The following ARB2A variants were observed in gnomAD, a reference collection of about 807,000 sequenced individuals.
ARB2A encodes ARB2 cotranscriptional regulator A.
the ARB2A span, among the ~76,000 whole-genome samples, chr5:93,772,477 TA>T: frequency 4.0e-5 from 6 of 151,158 alleles, no homozygotes; most frequent in East Asian, 1.9e-4. Context: ...TAAAAAAATT[TA>T]AAAAAAAAGA....
At chr5:93,984,317 T>C in the ARB2A span, among the ~76,000 whole-genome samples, 1 of 152,210 alleles carries the variant, frequency 6.6e-6, no homozygotes, top group East Asian at 1.9e-4. Flanking sequence ...ATATTTCTAG[T>C]TCAGATGCTA....
chr5:94,076,236 C>G, the ARB2A span, among the ~76,000 whole-genome samples: 1 of 152,076 alleles, frequency 6.6e-6, no homozygotes, highest in African/African-American at 2.4e-5. Flanking sequence ...CTATAACTAG[C>G]CATCTTACTG....
chr5:93,921,893 T>C, the ARB2A span, among the ~76,000 whole-genome samples: 1 of 152,192 alleles, frequency 6.6e-6, no homozygotes, highest in African/African-American at 2.4e-5. Flanking sequence ...CCTTTGAAAG[T>C]TCCTTTGTTA....
chr5:93,747,572 A>G, the ARB2A span, among the ~76,000 whole-genome samples: 2 of 152,194 alleles, frequency 1.3e-5, no homozygotes, highest in Non-Finnish European at 2.9e-5. Context: ...GCATTCAGTC[A>G]GCTTATCAAA....
the ARB2A span, among the ~76,000 whole-genome samples, chr5:93,750,405 T>C: frequency 2.0e-5 from 3 of 152,366 alleles, no homozygotes; most frequent in South Asian, 6.2e-4. Context: ...ACAGTGATTA[T>C]GGAAGACTAT....
the ARB2A span, among the ~76,000 whole-genome samples, chr5:93,788,289 G>A: frequency 5.6e-4 from 85 of 152,092 alleles, no homozygotes; most frequent in African/African-American, 1.8e-3. Context: ...GGATGAGTTC[G>A]TCTGAGTATA....
At chr5:93,648,418 A>T in the ARB2A span, among the ~76,000 whole-genome samples, 33 of 152,258 alleles carry the variant, frequency 2.2e-4, no homozygotes, top group Admixed American at 1.4e-3. Flanking sequence ...TTATTTTATA[A>T]AGAAACTTAC....
the ARB2A span, among the ~76,000 whole-genome samples, chr5:93,962,473 A>G: frequency 6.6e-6 from 1 of 152,166 alleles, no homozygotes; most frequent in Non-Finnish European, 1.5e-5. Flanking sequence ...AAGAGCTGTC[A>G]TTTAAAAAAT....
the ARB2A span, among the ~76,000 whole-genome samples, chr5:93,702,586 A>T: frequency 6.6e-6 from 1 of 152,102 alleles, no homozygotes; most frequent in East Asian, 1.9e-4. Flanking sequence ...AAAGTATCTG[A>T]CATACAGGGG....
At chr5:93,774,258 A>T in the ARB2A span, among the ~76,000 whole-genome samples, 1 of 152,250 alleles carries the variant, frequency 6.6e-6, no homozygotes, top group Non-Finnish European at 1.5e-5. Flanking sequence ...TATTGAAATG[A>T]GGCCAATGAC....
the ARB2A span, among the ~76,000 whole-genome samples, chr5:93,796,450 T>A: frequency 6.6e-6 from 1 of 152,160 alleles, no homozygotes; most frequent in Non-Finnish European, 1.5e-5. Context: ...GATGTGTTAA[T>A]CAACTGTGGG....
chr5:94,024,848 T>G, the ARB2A span, among the ~76,000 whole-genome samples: 2 of 151,960 alleles, frequency 1.3e-5, no homozygotes, highest in Non-Finnish European at 2.9e-5. Flanking sequence ...CCCAGAGATA[T>G]AAAACAGCAT....
At chr5:94,035,854 C>T in the ARB2A span, among the ~76,000 whole-genome samples, 13 of 151,638 alleles carry the variant, frequency 8.6e-5, no homozygotes, top group Admixed American at 2.6e-4. Context: ...CAGGGCCTGT[C>T]GGGGGGAGGA....
chr5:93,747,171 A>C, the ARB2A span, among the ~76,000 whole-genome samples: 2 of 152,192 alleles, frequency 1.3e-5, no homozygotes, highest in Non-Finnish European at 2.9e-5. Flanking sequence ...TAGTAATCAT[A>C]ATGTGATATG....
At chr5:93,831,418 C>T in the ARB2A span, among the ~76,000 whole-genome samples, 2 of 151,958 alleles carry the variant, frequency 1.3e-5, no homozygotes, top group African/African-American at 4.8e-5. Context: ...TATCTATTTC[C>T]AGGGATCTTA....
chr5:93,694,745 C>T, the ARB2A span, among the ~76,000 whole-genome samples: 1 of 152,042 alleles, frequency 6.6e-6, no homozygotes, highest in Non-Finnish European at 1.5e-5. Flanking sequence ...ATCCTAAGCA[C>T]AAAGAAAAAA....
the ARB2A span, among the ~76,000 whole-genome samples, chr5:93,688,885 A>G: frequency 6.6e-6 from 1 of 152,068 alleles, no homozygotes; most frequent in African/African-American, 2.4e-5. Context: ...TTCCATCTCC[A>G]CTGCCTCATC....
the ARB2A span, among the ~76,000 whole-genome samples, chr5:93,645,958 T>C: frequency 6.6e-6 from 1 of 152,192 alleles, no homozygotes; most frequent in East Asian, 1.9e-4. Flanking sequence ...AGTTTTAGTA[T>C]TCCTAACTAT....
chr5:94,051,264 G>A, the ARB2A span, among the ~76,000 whole-genome samples: 1 of 152,062 alleles, frequency 6.6e-6, no homozygotes, highest in Non-Finnish European at 1.5e-5. Flanking sequence ...CTGCCACTGG[G>A]GATTCATATA....
Sources: gnomAD v4.1 joint callset for allele counts (sites outside exome capture counted in the v4.1 genomes callset) on GRCh38, gnomAD v4.1.1 for gene constraint, MANE v1.5 for transcripts, NCBI Gene and HGNC (gene_info 2026-07-23, HGNC 2026-07-21) for gene names.